The following LAMB1 variants were observed in gnomAD, a reference collection of about 807,000 sequenced individuals.
The protein encoded by LAMB1 is laminin subunit beta 1, also known as laminin subunit beta-1.
LAMB1 carries 121 observed loss-of-function variants against 222.3 expected under a neutral mutation model. The ratio of observed to expected loss-of-function variants is 0.54; its 90% CI spans 0.47 to 0.63. LAMB1 has a LOEUF of 0.63. Among genes scored for constraint, LAMB1 ranks in the 30% least tolerant of loss-of-function variants. The pLI is 0.00. For missense variants in LAMB1, 2,172 were observed against 2,240.8 expected, an observed-to-expected ratio of 0.97 and a Z score of 0.62; for synonymous variants, 794 against 807.2, an observed-to-expected ratio of 0.98 and a Z score of 0.28.
chr7:107,997,538 G>A (rs555994031), intron 4 of LAMB1, among the ~76,000 whole-genome samples: 10 of 152,312 alleles, frequency 6.6e-5, no homozygotes, highest in African/African-American at 2.2e-4. Flanking sequence ...CAGGTGTACT[G>A]CATAGAATAA....
At chr7:107,966,411 A>AT (rs2033638023) in intron 13 of LAMB1, among the ~76,000 whole-genome samples, 1 of 151,946 alleles carries the variant, frequency 6.6e-6, no homozygotes, top group Admixed American at 6.6e-5. Context: ...GGGTTTCACC[A>AT]TATTGGCCAG....
intron 7 of LAMB1, among the ~76,000 whole-genome samples, chr7:107,983,972 G>A (rs946400221): frequency 5.9e-5 from 9 of 152,164 alleles, no homozygotes; most frequent in South Asian, 2.1e-4. Context: ...ATCACTTTAC[G>A]TAATAACATC....
At chr7:107,931,962 G>T (rs1466133506) in intron 28 of LAMB1, among the ~76,000 whole-genome samples, 3 of 152,178 alleles carry the variant, frequency 2.0e-5, no homozygotes, top group African/African-American at 7.2e-5. Flanking sequence ...TAAAGCATGT[G>T]TTGAGTGAGG....
chr7:107,961,001 G>GT (rs1031460421), intron 17 of LAMB1, among the ~76,000 whole-genome samples: 28 of 152,048 alleles, frequency 1.8e-4, no homozygotes, highest in East Asian at 7.7e-4. Flanking sequence ...GTGAAATGCT[G>GT]TTTTTTTTAA....
chr7:107,932,428 C>T, intron 27 of LAMB1, 51 bp from the exon 28 acceptor site: 1 of 1,579,010 alleles, frequency 6.3e-7, no homozygotes, highest in Non-Finnish European at 8.7e-7. Context: ...GAATCTGCTG[C>T]AGCAAAACAG....
intron 27 of LAMB1, among the ~76,000 whole-genome samples, chr7:107,933,603 G>GA (rs1329355249): frequency 0.031 from 4,433 of 143,748 alleles, 181 homozygotes; most frequent in African/African-American, 0.099. Flanking sequence ...GGCAGACATG[G>GA]AAAAAAAAAA....
chr7:107,980,803 T>C lies in LAMB1; in HGVS notation c.685A>G (p.Lys229Glu), dbSNP rs535853982. The change falls in exon 8 of 34, where the codon AAA (lysine) becomes GAA (glutamate). Residue 229 changes from lysine to glutamate, a missense_variant. Lys to Glu is a moderately conservative substitution (Grantham distance 56). Transcript: ENST00000222399. ...PYSPRIQNLLKITNLRIKFVK... is the reference protein window; with the variant it reads ...PYSPRIQNLLEITNLRIKFVK... The stretch of plus-strand genomic sequence containing the variant: ...AACTTGATTCTCAAGTTGGTAATTT[T>C]TAATAAATCTAGGAAGGTCATCAAG... The C allele has an allele frequency of 2.4e-5, 39 of 1,602,210 alleles. No individual in the cohort carries two copies. Among genetic ancestry groups the C allele is most frequent in the Non-Finnish European group, 3.3e-5 (39 of 1,169,712 alleles).
intron 5 of LAMB1, among the ~76,000 whole-genome samples, chr7:107,986,844 T>C (rs998805655): frequency 2.6e-5 from 4 of 152,248 alleles, no homozygotes; most frequent in Admixed American, 1.3e-4. Flanking sequence ...CAATATGCTA[T>C]GTCAAACACC....
chr7:107,962,843 G>T, intron 15 of LAMB1, 62 bp downstream of exon 15: 1 of 1,384,748 alleles, frequency 7.2e-7, no homozygotes, highest in Non-Finnish European at 1.0e-6. Context: ...CCCATTAGAA[G>T]TACTATTTTT....
At position 108,001,646 on chromosome 7, in the gene LAMB1, A is replaced by G; in HGVS notation, c.125T>C (p.Leu42Pro). ...AAGCTTCTGTGCTCGGCCGATGAGA[A>G]GGTCGCCCGTGGCGGGATAGCAGCT... ...EGSCYPATGD[L>P]LIGRAQKLSV... Residue 42 changes from leucine to proline, a missense_variant, in exon 3 of 34, where the codon CTT becomes CCT. Leu to Pro is a moderately conservative substitution (Grantham distance 98). Coordinates refer to ENST00000222399, the MANE Select transcript of LAMB1 (RefSeq NM_002291.3). 6.2e-7 allele frequency: 1 copy of G among 1,613,228 alleles called. No individual in the cohort carries two copies. The highest frequency in any genetic ancestry group is 8.5e-7 in the Non-Finnish European group (1 of 1,179,898).
chr7:107,963,088 A>G (rs1238491314), intron 14 of LAMB1, 25 bp from the exon 15 acceptor site: 2 of 1,561,938 alleles, frequency 1.3e-6, no homozygotes, highest in African/African-American at 1.4e-5. Flanking sequence ...AACAATGGTT[A>G]TTCTGTATTT....
At chr7:107,954,020 G>A (rs1318046477) in intron 21 of LAMB1, among the ~76,000 whole-genome samples, 2 of 152,150 alleles carry the variant, frequency 1.3e-5, no homozygotes, top group African/African-American at 2.4e-5. Flanking sequence ...TGTTGCAACT[G>A]CCCCAGAGGC....
In LAMB1 at chr7:107,929,517, A is replaced by G. The variant is rs35915664; in HGVS notation, c.4640T>C (p.Ile1547Thr). The G allele has an allele frequency of 0.021, 33,352 of 1,614,042 alleles. 451 individuals carry two copies. Among genetic ancestry groups the G allele is most frequent in the South Asian group, 0.044 (4,026 of 91,080 alleles). Residue 1547 changes from isoleucine (I) to threonine (T), a missense_variant, in exon 30 of 34, where the codon ATA (isoleucine) becomes ACA (threonine). Physicochemically the swap from Ile to Thr is moderately conservative, Grantham distance 89. Coordinates refer to ENST00000222399, the MANE Select transcript of LAMB1 (RefSeq NM_002291.3). ...AGAAAGGCTTTCAACTCGTTCACGT[A>G]TATCTTCTGTCAAGTTCTGTAACTG... Reference protein sequence around the residue: ...PQQLQNLTEDIRERVESLSQV... With the variant: ...PQQLQNLTEDTRERVESLSQV...
chr7:107,994,119 A>G (rs1238383794), intron 5 of LAMB1, among the ~76,000 whole-genome samples: 1 of 152,220 alleles, frequency 6.6e-6, no homozygotes, highest in East Asian at 1.9e-4. Flanking sequence ...AGTGATTTTT[A>G]ATCTGAGAAG....
In LAMB1 at chr7:107,935,347, G is replaced by GTTTTTTTT. The variant is rs200599445; in HGVS notation, c.4188+60_4188+67dup. On this transcript the variant is annotated intron_variant, in intron 27 of 33. Transcript: ENST00000222399. ...GACAAAAGATGGTTTGTTTTTCTTT[G>GTTTTTTTT]TTTTTTTTTTTTTTTTTTTTTTTTT... 178 of 1,173,206 alleles carry GTTTTTTTT rather than the reference G, an allele frequency of 1.5e-4. 11 individuals are homozygous for GTTTTTTTT. The highest frequency in any genetic ancestry group is 5.5e-4 in the African/African-American group (23 of 41,532). The allele number at this position is 1,173,206 out of a possible 1,614,324, so 72.7% of individuals were successfully genotyped here.
At chr7:107,935,347 GTTTTTTT>G (rs200599445) in intron 27 of LAMB1, 61 bp downstream of exon 27, 425 of 1,172,808 alleles carry the variant, frequency 3.6e-4, no homozygotes, top group African/African-American at 1.4e-3. Context: ...GTTTTTCTTT[GTTTTTTT>G]TTTTTTTTTT....
intron 20 of LAMB1, among the ~76,000 whole-genome samples, chr7:107,956,057 C>G (rs1222565835): frequency 6.6e-6 from 1 of 152,172 alleles, no homozygotes. Flanking sequence ...CCACCATGCC[C>G]GGCTAATTTT....
intron 7 of LAMB1, among the ~76,000 whole-genome samples, chr7:107,985,275 A>T (rs1438505765): frequency 6.6e-6 from 1 of 152,214 alleles, no homozygotes. Context: ...TAGATTTAGC[A>T]CTGAATATTT....
chr7:108,002,240 T>A, intron 2 of LAMB1: 2 of 1,316,860 alleles, frequency 1.5e-6, no homozygotes, highest in African/African-American at 3.5e-5. Flanking sequence ...CGCGCGAGGG[T>A]CACCGGCGCT....
Sources: allele counts gnomAD v4.1 joint callset (sites outside exome capture counted in the v4.1 genomes callset), GRCh38; gene constraint gnomAD v4.1.1; transcripts MANE v1.5; gene names NCBI Gene and HGNC (gene_info 2026-07-23, HGNC 2026-07-21).